PDE9A: variants seen among roughly 807,000 people sequenced by gnomAD.
PDE9A encodes phosphodiesterase 9A.
A neutral mutation model predicts 87.4 loss-of-function variants in PDE9A; 60 were observed. The observed-to-expected ratio is 0.69, with a 90% confidence interval of 0.56 to 0.85. The LOEUF (loss-of-function observed/expected upper bound fraction) is 0.85. Among genes scored for constraint, PDE9A ranks in the 40% least tolerant of loss-of-function variants. PDE9A has a pLI of 0.00. For missense variants in PDE9A, 665 were observed against 779.0 expected, an observed-to-expected ratio of 0.85 and a Z score of 1.74; for synonymous variants, 272 against 279.4, an observed-to-expected ratio of 0.97 and a Z score of 0.27.
At chr21:42,770,024 T>C (rs1020250042) in intron 17 of PDE9A, among the ~76,000 whole-genome samples, 1 of 151,938 alleles carries the variant, frequency 6.6e-6, no homozygotes, top group Non-Finnish European at 1.5e-5. Context: ...GACTCTCCTG[T>C]CCCCACTCTG....
At position 42,675,104 on chromosome 21, in the gene PDE9A, TGTGTAAGTGC is replaced by T. The variant is rs1216102721; in HGVS notation, c.70-11078_70-11069del. ...TCTCACACAGGTGTGCGTTTAGGAG[TGTGTAAGTGC>T]GTGTAAGTGTGTGTCTGGCTTTCTT... On this transcript the variant is annotated intron_variant, in intron 1 of 19. Coordinates refer to ENST00000291539, the MANE Select transcript of PDE9A (RefSeq NM_002606.3). The surrounding 1 kb of genome is among the most constrained non-coding windows in gnomAD (Gnocchi z 4.3). Among the ~76,000 whole-genome samples, 1 of 152,162 alleles carries T rather than the reference TGTGTAAGTGC, an allele frequency of 6.6e-6. No individual in the cohort carries two copies. Among genetic ancestry groups the T allele is most frequent in the Non-Finnish European group, 1.5e-5 (1 of 68,030 alleles).
intron 4 of PDE9A, among the ~76,000 whole-genome samples, chr21:42,726,077 A>G (rs1224487900): frequency 6.6e-6 from 1 of 152,140 alleles, no homozygotes; most frequent in Admixed American, 6.5e-5. Context: ...AGTGGCTCTC[A>G]GCATCTCTTC....
rs771085127 is a variant in PDE9A, at chr21:42,760,454, C to T, written c.1002+22C>T. On this transcript the variant is annotated intron_variant, in intron 12 of 19. Coordinates refer to ENST00000291539, the MANE Select transcript of PDE9A (RefSeq NM_002606.3). The surrounding 1 kb of genome is among the most constrained non-coding windows in gnomAD (Gnocchi z 5.2). The stretch of plus-strand genomic sequence containing the variant: ...CCAGGTGGGTCCTGCCCGCTGCACA[C>T]CCAGACCTCTACTCTCGGGGGTCAG... 17 of 1,386,786 alleles carry T rather than the reference C, an allele frequency of 1.2e-5. 1 individual carries two copies. In the South Asian group the frequency reaches 1.8e-4, roughly 15 times the overall value. 85.9% of individuals were successfully genotyped at this position (1,386,786 alleles called of 1,614,324 possible).
intron 1 of PDE9A, among the ~76,000 whole-genome samples, chr21:42,677,276 C>G (rs1400963907): frequency 6.6e-6 from 1 of 152,184 alleles, no homozygotes; most frequent in African/African-American, 2.4e-5. Flanking sequence ...AGAATGTCAG[C>G]CGATGTAAGC....
At chr21:42,664,249 G>GC (rs2057803884) in intron 1 of PDE9A, among the ~76,000 whole-genome samples, 1 of 152,246 alleles carries the variant, frequency 6.6e-6, no homozygotes, top group South Asian at 2.1e-4. Flanking sequence ...GGGCAATGGT[G>GC]CCTCACCTCG....
At chr21:42,700,832 C>T (rs1269259635) in intron 4 of PDE9A, 6 of 152,216 alleles carry the variant, frequency 3.9e-5, no homozygotes, top group Non-Finnish European at 7.3e-5. Flanking sequence ...TGTGAATTTA[C>T]ATGTCTTAAA....
chr21:42,740,742 AG>A (rs2053132581), intron 7 of PDE9A, among the ~76,000 whole-genome samples: 1 of 142,640 alleles, frequency 7.0e-6, no homozygotes, highest in Non-Finnish European at 1.5e-5. Context: ...ATAGATAGAT[AG>A]ATAGATAAAC....
chr21:42,762,738 G>A lies in PDE9A; in HGVS notation c.1242+499G>A, dbSNP rs574100645. Among the ~76,000 whole-genome samples, 49 of 152,188 alleles carry A rather than the reference G, an allele frequency of 3.2e-4. 1 individual carries two copies. In the South Asian group the frequency reaches 1.0e-2, roughly 31 times the overall value. ...GACAGAGTCTCGCTCTGTTGCCCAG[G>A]CTGGAGTGTAATGGCAGGATCTCGG... On this transcript the variant is annotated intron_variant, in intron 14 of 19. Transcript: ENST00000291539.
intron 8 of PDE9A, among the ~76,000 whole-genome samples, chr21:42,745,759 G>A (rs1347451636): frequency 1.3e-5 from 2 of 152,242 alleles, no homozygotes; most frequent in Non-Finnish European, 2.9e-5. Context: ...AGAGCCAGGC[G>A]GAGATGGGTG....
At chr21:42,768,416 C>T (rs977310451) in intron 16 of PDE9A, 124 bp downstream of exon 16, 1 of 1,040,280 alleles carries the variant, frequency 9.6e-7, no homozygotes, top group Non-Finnish European at 1.4e-6. Flanking sequence ...ACAGTTCAGC[C>T]TCCAGAAAGC....
intron 4 of PDE9A, 144 bp downstream of exon 4, chr21:42,699,155 T>A (rs1569167037): frequency 1.6e-6 from 1 of 612,536 alleles, no homozygotes; most frequent in Non-Finnish European, 2.9e-6. Context: ...TTTAACTATA[T>A]GTTAGTTAAG....
chr21:42,722,349 G>A lies in PDE9A; in HGVS notation c.263-9421G>A, dbSNP rs147025928. The stretch of plus-strand genomic sequence containing the variant: ...TTCACCGGAGGGTGCTCAGCACCTC[G>A]CCCTGTTGCTCTGGGTTGGGACTAA... On this transcript the variant is annotated intron_variant, in intron 4 of 19. Coordinates refer to ENST00000291539, the MANE Select transcript of PDE9A (RefSeq NM_002606.3). This position sits in a 1 kb window ranked among gnomAD's most constrained non-coding sequence, Gnocchi z 4.1. Among the ~76,000 whole-genome samples, 863 of 152,288 alleles carry A rather than the reference G, an allele frequency of 5.7e-3. 14 individuals are homozygous for A. Among genetic ancestry groups the A allele is most frequent in the Non-Finnish European group, 2.9e-3 (200 of 68,018 alleles).
intron 4 of PDE9A, among the ~76,000 whole-genome samples, chr21:42,731,492 G>C (rs1432938077): frequency 2.0e-5 from 3 of 152,162 alleles, no homozygotes; most frequent in Non-Finnish European, 4.4e-5. Context: ...ATTGAGCCTG[G>C]TCAGGAAACA....
At chr21:42,662,056 G>T (rs894625175) in intron 1 of PDE9A, among the ~76,000 whole-genome samples, 13 of 152,186 alleles carry the variant, frequency 8.5e-5, no homozygotes, top group African/African-American at 2.7e-4. Flanking sequence ...TGTGAAGTGG[G>T]GGGAAGTTTT....
chr21:42,749,134 T>C (rs565310181), intron 8 of PDE9A, among the ~76,000 whole-genome samples: 2 of 152,344 alleles, frequency 1.3e-5, no homozygotes, highest in South Asian at 4.1e-4. Flanking sequence ...TGTTTAATTC[T>C]TGGCTTAAGA....
intron 3 of PDE9A, among the ~76,000 whole-genome samples, chr21:42,698,675 C>T (rs537408901): frequency 6.6e-6 from 1 of 152,280 alleles, no homozygotes; most frequent in Non-Finnish European, 1.5e-5. Flanking sequence ...CAGAGTCTGA[C>T]ATTTCCAACT....
intron 8 of PDE9A, among the ~76,000 whole-genome samples, chr21:42,747,677 AG>A (rs2054009576): frequency 2.0e-5 from 3 of 152,216 alleles, no homozygotes; most frequent in Admixed American, 6.5e-5. Context: ...GGGCAGGGGC[AG>A]GGGCAGGTCT....
chr21:42,755,752 C>T (rs1246301597), intron 10 of PDE9A, among the ~76,000 whole-genome samples: 2 of 152,210 alleles, frequency 1.3e-5, no homozygotes, highest in Non-Finnish European at 2.9e-5. Context: ...AGCACACTGA[C>T]TCCTGCTCCC....
chr21:42,735,337 G>A (rs990101277), intron 7 of PDE9A, among the ~76,000 whole-genome samples: 12 of 152,208 alleles, frequency 7.9e-5, no homozygotes, highest in African/African-American at 1.7e-4. Context: ...GCCAGGCCGC[G>A]CACCCAAGGT....
Sources: allele counts gnomAD v4.1 joint callset (sites outside exome capture counted in the v4.1 genomes callset), GRCh38; gene constraint gnomAD v4.1.1; non-coding constraint Gnocchi (gnomAD v3.1); transcripts MANE v1.5; gene names NCBI Gene and HGNC (gene_info 2026-07-23, HGNC 2026-07-21).